IGF2BP2: variants seen among roughly 807,000 people sequenced by gnomAD.
IGF2BP2 encodes insulin-like growth factor 2 mRNA-binding protein 2.
IGF2BP2 carries 17 observed loss-of-function variants against 75.8 expected under a neutral mutation model. That is an observed-to-expected ratio of 0.22 (90% CI 0.15 to 0.34). IGF2BP2 has a LOEUF of 0.34. IGF2BP2 is among the 10% of genes least tolerant of loss of function. The pLI is 1.00. For synonymous variants in IGF2BP2, 288 were observed against 295.6 expected (o/e 0.97, Z 0.26); for missense variants, 516 against 772.4 (o/e 0.67, Z 3.93).
At chr3:185,738,972 G>A (rs1042063329) in intron 2 of IGF2BP2, among the ~76,000 whole-genome samples, 1 of 151,972 alleles carries the variant, frequency 6.6e-6, no homozygotes, top group Non-Finnish European at 1.5e-5. Context: ...ATCAATTGGA[G>A]CTACAAAAAA....
intron 2 of IGF2BP2, among the ~76,000 whole-genome samples, chr3:185,739,780 A>G (rs1021894256): frequency 2.6e-5 from 4 of 152,166 alleles, no homozygotes; most frequent in Non-Finnish European, 5.9e-5. Flanking sequence ...GATATTGAAA[A>G]TTACCATTTA....
chr3:185,670,642 C>T lies in IGF2BP2; in HGVS notation c.1200+1899G>A, dbSNP rs528229491. 2.7e-3 allele frequency among the ~76,000 whole-genome samples: 418 copies of T among 152,274 alleles called. 2 individuals are homozygous for T. Among genetic ancestry groups the T allele is most frequent in the African/African-American group, 9.0e-3 (374 of 41,550 alleles). On this transcript the variant is annotated intron_variant, in intron 10 of 15. Transcript: ENST00000382199. ...GGAGTGCAGTGCCACGATCTCAGCTCACCGTAACCTCCGCCTCCAGGGTTC... is the reference window on the plus strand; with the variant it reads ...GGAGTGCAGTGCCACGATCTCAGCTTACCGTAACCTCCGCCTCCAGGGTTC...
At chr3:185,760,238 C>A (rs536770078) in intron 2 of IGF2BP2, among the ~76,000 whole-genome samples, 50 of 152,284 alleles carry the variant, frequency 3.3e-4, no homozygotes, top group African/African-American at 1.1e-3. Flanking sequence ...ATGACCCAAA[C>A]TCCCTCACAG....
rs1577923740 is a variant in IGF2BP2 at position 185,676,032 on chromosome 3, A to C, written c.813-119T>G. ...CATTTTGTTCAGGTACCAAGTGATG[A>C]TGGGATTTGGGAGAGGTCAGGTCCC... On this transcript the variant is annotated intron_variant, in intron 7 of 15. Coordinates refer to ENST00000382199, the MANE Select transcript of IGF2BP2 (RefSeq NM_006548.6). The C allele has an allele frequency of 1.1e-5, 15 of 1,345,810 alleles. No homozygotes were observed. The South Asian group carries it at 2.2e-4, about 19-fold the overall frequency. The allele number at this position is 1,345,810 out of a possible 1,614,324, so 83.4% of individuals were successfully genotyped here. A position where few individuals can be genotyped will look rare whatever the true frequency, so the allele number is the denominator to read the frequency against.
intron 2 of IGF2BP2, among the ~76,000 whole-genome samples, chr3:185,705,809 G>A (rs1311770144): frequency 6.6e-6 from 1 of 152,094 alleles, no homozygotes; most frequent in Non-Finnish European, 1.5e-5. Context: ...TTTTATAGAG[G>A]TACTAATCCC....
At chr3:185,692,550 C>T (rs374688496) in intron 5 of IGF2BP2, 149 bp downstream of exon 5, 48 of 639,366 alleles carry the variant, frequency 7.5e-5, no homozygotes, top group East Asian at 3.4e-4. Flanking sequence ...GGCTCAGATG[C>T]CGTGGAGCTC....
At chr3:185,694,250 A>G (rs1229106367) in intron 4 of IGF2BP2, among the ~76,000 whole-genome samples, 2 of 152,212 alleles carry the variant, frequency 1.3e-5, no homozygotes, top group Non-Finnish European at 2.9e-5. Context: ...CTCAGTGCTG[A>G]CACAGAGAAT....
intron 10 of IGF2BP2, among the ~76,000 whole-genome samples, chr3:185,666,267 T>C (rs544325013): frequency 1.3e-5 from 2 of 152,308 alleles, no homozygotes; most frequent in South Asian, 4.1e-4. Flanking sequence ...AAGCTGTTTG[T>C]AGTGAGCAAT....
intron 6 of IGF2BP2, chr3:185,689,081 T>G: frequency 2.6e-6 from 1 of 383,450 alleles, no homozygotes; most frequent in South Asian, 4.7e-5. Flanking sequence ...TAGAAATCAA[T>G]GCATCCATAA....
At chr3:185,659,665 T>A (rs1477299308) in intron 10 of IGF2BP2, among the ~76,000 whole-genome samples, 3 of 152,010 alleles carry the variant, frequency 2.0e-5, no homozygotes, top group Admixed American at 6.6e-5. Flanking sequence ...TGTGAGCCAC[T>A]GCACCCTGCC....
At chr3:185,687,229 A>G (rs748293511) in intron 6 of IGF2BP2, 38 bp from the exon 7 acceptor site, 5 of 1,585,870 alleles carry the variant, frequency 3.2e-6, no homozygotes, top group Middle Eastern at 1.7e-4. Context: ...TTACAAGGTC[A>G]TCTGGATAGG....
chr3:185,820,504 A>G (rs1245165296), intron 2 of IGF2BP2, among the ~76,000 whole-genome samples: 1 of 152,138 alleles, frequency 6.6e-6, no homozygotes, highest in African/African-American at 2.4e-5. Flanking sequence ...TGCGGTTGAC[A>G]TTAGAATAAT....
chr3:185,731,871 A>C (rs1241932731), intron 2 of IGF2BP2, among the ~76,000 whole-genome samples: 2 of 151,904 alleles, frequency 1.3e-5, no homozygotes, highest in Admixed American at 1.3e-4. Context: ...AGTCCCAGCT[A>C]CTCAGGAGGC....
At chr3:185,795,311 T>C (rs1223915372) in intron 2 of IGF2BP2, among the ~76,000 whole-genome samples, 1 of 152,184 alleles carries the variant, frequency 6.6e-6, no homozygotes, top group African/African-American at 2.4e-5. Flanking sequence ...AATTCCCTTC[T>C]CCCTTAAGGC....
Position 185,683,933 on chromosome 3 carries a change from T to C in IGF2BP2, c.812+3124A>G, listed in dbSNP as rs1246851423. Reference sequence around the variant, plus strand: ...TGGGTCTCTGGGCCCATGATTCAACTGACCTTGGAGCCGTGTGCCTTAGGA... The same window carrying C: ...TGGGTCTCTGGGCCCATGATTCAACCGACCTTGGAGCCGTGTGCCTTAGGA... On this transcript the variant is annotated intron_variant, in intron 7 of 15. Coordinates refer to ENST00000382199, the MANE Select transcript of IGF2BP2 (RefSeq NM_006548.6). Among the ~76,000 whole-genome samples the C allele has an allele frequency of 2.0e-5, 3 of 152,204 alleles. No homozygotes were observed. The East Asian group carries it at 5.8e-4, about 29-fold the overall frequency.
At position 185,689,570 on chromosome 3, in the gene IGF2BP2, G is replaced by A. The variant is rs1721636248; in HGVS notation, c.462C>T (p.Tyr154=). The A allele has an allele frequency of 2.5e-6, 4 of 1,614,252 alleles. No individual in the cohort carries two copies. Among genetic ancestry groups the A allele is most frequent in the Non-Finnish European group, 3.4e-6 (4 of 1,180,048 alleles). The stretch of plus-strand genomic sequence containing the variant: ...GGGAGCTCACCTCTTCATCCGGGAT[G>A]TAGGAAATCTTGAAGGAGTAGTTCT... ...QFENYSFKIS[Y]IPDEEVSSPS... is the part of the protein sequence containing the mutation. The change falls in exon 6 of 16, where the codon TAC becomes TAT. Residue 154 remains tyrosine, a synonymous_variant. Transcript: ENST00000382199.
At chr3:185,690,906 A>T (rs1455374118) in intron 5 of IGF2BP2, among the ~76,000 whole-genome samples, 4 of 152,188 alleles carry the variant, frequency 2.6e-5, no homozygotes, top group African/African-American at 9.7e-5. Context: ...TTACTAGGTT[A>T]ATGTCTAGGA....
Position 185,643,552 on chromosome 3 carries a change from C to T in IGF2BP2, c.*1979G>A, listed in dbSNP as rs1712991274. Among the ~76,000 whole-genome samples the T allele has an allele frequency of 6.6e-6, 1 of 152,060 alleles. No individual in the cohort carries two copies. Among genetic ancestry groups the T allele is most frequent in the Non-Finnish European group, 1.5e-5 (1 of 68,016 alleles). ...GCTGATGCTGCTGGTCTGGGGACTA[C>T]ACTTTGACCACCGATCTAGTTTAGC... is the stretch of plus-strand genomic sequence containing the variant. On this transcript the variant is annotated 3_prime_UTR_variant, in exon 16 of 16. Coordinates refer to ENST00000382199, the MANE Select transcript of IGF2BP2 (RefSeq NM_006548.6).
chr3:185,665,516 A>C (rs1717382108), intron 10 of IGF2BP2, among the ~76,000 whole-genome samples: 1 of 137,358 alleles, frequency 7.3e-6, no homozygotes, highest in Non-Finnish European at 1.6e-5. Context: ...GAGGAGGAGG[A>C]GAAGGAGGAG....
Sources: gnomAD v4.1 joint callset for allele counts (sites outside exome capture counted in the v4.1 genomes callset) on GRCh38, gnomAD v4.1.1 for gene constraint, MANE v1.5 for transcripts, NCBI Gene and HGNC (gene_info 2026-07-23, HGNC 2026-07-21) for gene names.